MDGA2: variants seen among roughly 807,000 people sequenced by gnomAD.
The protein encoded by MDGA2 is MAM domain containing glycosylphosphatidylinositol anchor 2, also known as MAM domain-containing glycosylphosphatidylinositol anchor protein 2.
In MDGA2, 40 loss-of-function variants were observed where a neutral mutation model predicts 117.8. That is an observed-to-expected ratio of 0.34 (90% CI 0.26 to 0.44). The LOEUF (loss-of-function observed/expected upper bound fraction) is 0.44. MDGA2 is among the 20% of genes least tolerant of loss of function. The pLI is 1.00. For missense variants in MDGA2, 1,123 were observed against 1,250.6 expected (o/e 0.90, Z 1.54); for synonymous variants, 452 against 439.0 (o/e 1.03, Z -0.37).
chr14:46,886,446 G>A (rs575742287), intron 10 of MDGA2, among the ~76,000 whole-genome samples: 2 of 152,010 alleles, frequency 1.3e-5, no homozygotes, highest in Non-Finnish European at 2.9e-5. Context: ...TAAAGAGGAT[G>A]TATAGCTATG....
chr14:47,307,685 G>T (rs371770567), intron 1 of MDGA2, among the ~76,000 whole-genome samples: 1 of 125,942 alleles, frequency 7.9e-6, no homozygotes, highest in South Asian at 2.2e-4. Context: ...GATACTCTGT[G>T]GGGGGGAAAA....
intron 1 of MDGA2, among the ~76,000 whole-genome samples, chr14:47,526,896 C>T (rs941315573): frequency 3.3e-5 from 5 of 152,196 alleles, no homozygotes; most frequent in African/African-American, 1.2e-4. Flanking sequence ...CCATGGTGCA[C>T]TCTCCTCTCC....
intron 5 of MDGA2, among the ~76,000 whole-genome samples, chr14:47,102,549 A>C (rs1880399389): frequency 6.6e-6 from 1 of 152,048 alleles, no homozygotes; most frequent in Non-Finnish European, 1.5e-5. Flanking sequence ...CATATTGAAG[A>C]AGCAGAAAAG....
chr14:46,971,375 C>T (rs1886257384), intron 8 of MDGA2, among the ~76,000 whole-genome samples: 2 of 152,030 alleles, frequency 1.3e-5, no homozygotes. Context: ...TAATATTCAG[C>T]AATTAAAATG....
intron 1 of MDGA2, among the ~76,000 whole-genome samples, chr14:47,621,023 T>A (rs1339368549): frequency 6.6e-6 from 1 of 152,200 alleles, no homozygotes; most frequent in Non-Finnish European, 1.5e-5. Context: ...TATTTGGAGA[T>A]TACTTAAACA....
At chr14:47,640,068 G>T (rs1031690805) in intron 1 of MDGA2, among the ~76,000 whole-genome samples, 2 of 152,162 alleles carry the variant, frequency 1.3e-5, no homozygotes, top group South Asian at 2.1e-4. Flanking sequence ...ACTATAGCAA[G>T]CTTCCTATTA....
chr14:47,634,672 TTTAG>T lies in MDGA2; in HGVS notation c.280+39841_280+39844del, dbSNP rs530560301. ...TATTTCATATGCCTAAACCATAAACTTTAGTTAGACTGATTGATCTTAGTAGCAG... is the reference window on the plus strand; with the variant it reads ...TATTTCATATGCCTAAACCATAAACTTTAGACTGATTGATCTTAGTAGCAG... On this transcript the variant is annotated intron_variant, in intron 1 of 16. Transcript: ENST00000399232. Among the ~76,000 whole-genome samples the T allele has an allele frequency of 2.1e-3, 325 of 152,234 alleles. 2 individuals carry two copies. Among genetic ancestry groups the T allele is most frequent in the African/African-American group, 7.5e-3 (312 of 41,578 alleles).
intron 10 of MDGA2, among the ~76,000 whole-genome samples, chr14:46,895,406 A>G (rs1044163929): frequency 6.6e-6 from 1 of 152,176 alleles, no homozygotes; most frequent in Non-Finnish European, 1.5e-5. Flanking sequence ...GGGGAATCAT[A>G]ATCACTTCCT....
At chr14:47,305,505 G>A (rs950379627) in intron 1 of MDGA2, among the ~76,000 whole-genome samples, 1 of 152,206 alleles carries the variant, frequency 6.6e-6, no homozygotes, top group Non-Finnish European at 1.5e-5. Flanking sequence ...AAGGGCAAAA[G>A]AGAGACATTC....
chr14:47,015,261 T>C (rs190039294), intron 8 of MDGA2, among the ~76,000 whole-genome samples: 4 of 151,846 alleles, frequency 2.6e-5, no homozygotes, highest in Non-Finnish European at 4.4e-5. Flanking sequence ...ATAAAAAAGT[T>C]TGAAATATTG....
chr14:47,464,597 T>A (rs943808660), intron 1 of MDGA2, among the ~76,000 whole-genome samples: 102 of 151,266 alleles, frequency 6.7e-4, no homozygotes, highest in East Asian at 1.2e-3. Flanking sequence ...AGAAAAAAAA[T>A]AAAGTACTCA....
At chr14:47,637,495 TACA>T (rs1249182775) in intron 1 of MDGA2, among the ~76,000 whole-genome samples, 2 of 152,180 alleles carry the variant, frequency 1.3e-5, no homozygotes, top group African/African-American at 4.8e-5. Flanking sequence ...AAATAACCAG[TACA>T]AAAATTTAGT....
At chr14:47,595,557 C>CAAAAAAAAAAAAAAAAAAAA (rs1162012490) in intron 1 of MDGA2, among the ~76,000 whole-genome samples, 1 of 137,982 alleles carries the variant, frequency 7.2e-6, no homozygotes. Context: ...CAAAAAAAAA[C>CAAAAAAAAAAAAAAAAAAAA]AAAAAAAAAA....
At chr14:47,389,537 A>G (rs1891840858) in intron 1 of MDGA2, among the ~76,000 whole-genome samples, 1 of 152,128 alleles carries the variant, frequency 6.6e-6, no homozygotes, top group East Asian at 1.9e-4. Context: ...ATGAAAAATA[A>G]AAAGCTATTT....
At chr14:47,562,337 G>C (rs1258985673) in intron 1 of MDGA2, among the ~76,000 whole-genome samples, 1 of 152,128 alleles carries the variant, frequency 6.6e-6, no homozygotes, top group Admixed American at 6.6e-5. Flanking sequence ...GGCAGAATTT[G>C]GTTGTAAATC....
At chr14:47,191,685 G>GCTA (rs1406335248) in intron 3 of MDGA2, among the ~76,000 whole-genome samples, 1 of 152,058 alleles carries the variant, frequency 6.6e-6, no homozygotes, top group Non-Finnish European at 1.5e-5. Context: ...ATAATGAGTT[G>GCTA]CTACTTTTCT....
intron 8 of MDGA2, among the ~76,000 whole-genome samples, chr14:47,026,494 G>A (rs765560818): frequency 6.6e-6 from 1 of 151,808 alleles, no homozygotes. Context: ...ATTTCCCTTA[G>A]CACTAAGCAT....
chr14:47,213,587 T>C (rs1885964924), intron 3 of MDGA2, among the ~76,000 whole-genome samples: 1 of 150,276 alleles, frequency 6.7e-6, no homozygotes. Flanking sequence ...AATTTTCTTA[T>C]CTTCTTACGT....
chr14:47,604,462 G>A (rs1004297916), intron 1 of MDGA2, among the ~76,000 whole-genome samples: 6 of 150,372 alleles, frequency 4.0e-5, no homozygotes, highest in South Asian at 2.1e-4. Context: ...AACTATAGGC[G>A]TGTTCCACCA....
Sources: allele counts gnomAD v4.1 joint callset (sites outside exome capture counted in the v4.1 genomes callset), GRCh38; gene constraint gnomAD v4.1.1; transcripts MANE v1.5; gene names NCBI Gene and HGNC (gene_info 2026-07-23, HGNC 2026-07-21).